The following SSBP2 variants were observed in gnomAD, a reference collection of about 807,000 sequenced individuals.
SSBP2 encodes the protein single stranded DNA binding protein 2, also known as single-stranded DNA-binding protein 2.
In SSBP2, 17 loss-of-function variants were observed where a neutral mutation model predicts 61.8. The observed-to-expected ratio is 0.28, with a 90% CI of 0.19 to 0.41. The LOEUF is 0.41. Ranked by LOEUF, SSBP2 falls within the 10% of genes least tolerant of loss-of-function variation. SSBP2 has a pLI of 1.00. For missense variants in SSBP2, 310 were observed against 458.7 expected (o/e 0.68, Z 2.96); for synonymous variants, 139 against 141.3 (o/e 0.98, Z 0.12).
At chr5:81,651,692 T>C (rs1255881835) in intron 1 of SSBP2, among the ~76,000 whole-genome samples, 6 of 152,178 alleles carry the variant, frequency 3.9e-5, no homozygotes, top group African/African-American at 1.2e-4. Context: ...GATCTCCCTG[T>C]GGAAGTGTGG....
At chr5:81,646,980 A>G (rs188662404) in intron 2 of SSBP2, among the ~76,000 whole-genome samples, 5 of 152,268 alleles carry the variant, frequency 3.3e-5, no homozygotes, top group Non-Finnish European at 7.4e-5. Flanking sequence ...TGTAGAACAT[A>G]AAATGTGAGG....
intron 6 of SSBP2, among the ~76,000 whole-genome samples, chr5:81,479,610 A>T (rs1296129026): frequency 1.3e-5 from 2 of 152,160 alleles, no homozygotes; most frequent in Admixed American, 6.5e-5. Context: ...TTTACAAAAG[A>T]TCTACACACT....
chr5:81,490,134 A>G (rs568265101), intron 5 of SSBP2, among the ~76,000 whole-genome samples: 264 of 152,250 alleles, frequency 1.7e-3, no homozygotes, highest in African/African-American at 6.1e-3. Flanking sequence ...AAAGAAAAAA[A>G]TGATCTTATA....
chr5:81,715,069 T>C (rs1404525300), intron 1 of SSBP2, among the ~76,000 whole-genome samples: 1 of 151,800 alleles, frequency 6.6e-6, no homozygotes, highest in Non-Finnish European at 1.5e-5. Flanking sequence ...GAAAAGATAA[T>C]AATTAGAGGG....
rs1419776275 is a variant in SSBP2, at chr5:81,432,857, C to T, written c.958-4174G>A. On this transcript the variant is annotated intron_variant, in intron 15 of 16. Transcript: ENST00000320672. ...GCCGCCCCGTCCGGGAGGTGAGGGG[C>T]GCCTCTGCCTGGCCACCCCTACTGG... Among the ~76,000 whole-genome samples, 11 of 146,624 alleles carry T rather than the reference C, an allele frequency of 7.5e-5. No homozygotes were observed. In the East Asian group the frequency reaches 8.3e-4, roughly 11 times the overall value.
rs1326251009 is a variant in SSBP2 at position 81,414,671 on chromosome 5, TTAGA to T, written c.*5829_*5832del. On this transcript the variant is annotated 3_prime_UTR_variant, in exon 17 of 17. Coordinates refer to ENST00000320672, the MANE Select transcript of SSBP2 (RefSeq NM_012446.5). ...TAAATGATCACTTATGCCCTTATCT[TTAGA>T]TACAGTACCTTCAAAAGAAGGCCTA... is the stretch of plus-strand genomic sequence containing the variant. The T allele has an allele frequency of 2.0e-5, 3 of 152,182 alleles. No homozygotes were observed. Among genetic ancestry groups the T allele is most frequent in the Admixed American group, 1.3e-4 (2 of 15,276 alleles). 9.4% of individuals were successfully genotyped at this position (152,182 alleles called of 1,614,324 possible).
intron 6 of SSBP2, among the ~76,000 whole-genome samples, chr5:81,483,506 A>G (rs1403633537): frequency 6.6e-6 from 1 of 152,160 alleles, no homozygotes; most frequent in African/African-American, 2.4e-5. Context: ...TAAATATCAG[A>G]ACTAGAAGAG....
chr5:81,539,907 G>A (rs1010377844), intron 4 of SSBP2, among the ~76,000 whole-genome samples: 13 of 151,828 alleles, frequency 8.6e-5, no homozygotes, highest in Admixed American at 3.3e-4. Context: ...CCCCCACCCC[G>A]ACAGGCCCCG....
chr5:81,610,267 T>C (rs1745319759), intron 4 of SSBP2, among the ~76,000 whole-genome samples: 1 of 152,170 alleles, frequency 6.6e-6, no homozygotes. Flanking sequence ...AAATCCTGTG[T>C]CAGAAGAATG....
chr5:81,606,678 C>A (rs1744910530), intron 4 of SSBP2, among the ~76,000 whole-genome samples: 1 of 152,168 alleles, frequency 6.6e-6, no homozygotes, highest in South Asian at 2.1e-4. Context: ...GATTCCCAAT[C>A]CTCTTTAGCC....
At chr5:81,694,926 G>A (rs1347135090) in intron 1 of SSBP2, among the ~76,000 whole-genome samples, 1 of 152,194 alleles carries the variant, frequency 6.6e-6, no homozygotes, top group East Asian at 1.9e-4. Context: ...TTTGAGCCCA[G>A]GAGTTGAAGA....
chr5:81,750,929 T>G, intron 1 of SSBP2, 52 bp downstream of exon 1: 87 of 1,498,726 alleles, frequency 5.8e-5, no homozygotes, highest in Non-Finnish European at 7.0e-5. Context: ...AGTGCGTGCG[T>G]GAGTGTGCGC....
At chr5:81,737,608 C>T (rs1756708693) in intron 1 of SSBP2, among the ~76,000 whole-genome samples, 1 of 142,922 alleles carries the variant, frequency 7.0e-6, no homozygotes, top group Non-Finnish European at 1.5e-5. Flanking sequence ...CGGTGAAACC[C>T]CGTCTCTACT....
intron 1 of SSBP2, among the ~76,000 whole-genome samples, chr5:81,745,232 A>G (rs1430775423): frequency 6.6e-6 from 1 of 152,134 alleles, no homozygotes. Flanking sequence ...TACTGAAAAC[A>G]GGCAAGACAT....
chr5:81,735,010 G>C (rs917223527), intron 1 of SSBP2, among the ~76,000 whole-genome samples: 1 of 147,486 alleles, frequency 6.8e-6, no homozygotes, highest in Non-Finnish European at 1.5e-5. Flanking sequence ...GAAAAATCAA[G>C]TTGACCTGCA....
At chr5:81,679,608 A>G (rs1187572022) in intron 1 of SSBP2, among the ~76,000 whole-genome samples, 1 of 152,232 alleles carries the variant, frequency 6.6e-6, no homozygotes, top group Non-Finnish European at 1.5e-5. Flanking sequence ...GATATGCTAA[A>G]AAAGGAGAAA....
intron 5 of SSBP2, among the ~76,000 whole-genome samples, chr5:81,511,154 G>A (rs897524006): frequency 1.3e-5 from 2 of 152,032 alleles, no homozygotes; most frequent in South Asian, 2.1e-4. Context: ...CCTTAAATGC[G>A]AAATTGGATT....
chr5:81,441,163 ATTC>A (rs2153957846), intron 13 of SSBP2, among the ~76,000 whole-genome samples: 1 of 152,346 alleles, frequency 6.6e-6, no homozygotes, highest in Non-Finnish European at 1.5e-5. Context: ...AATATAGCTA[ATTC>A]TTCTTGGCAG....
intron 16 of SSBP2, among the ~76,000 whole-genome samples, chr5:81,426,573 C>T (rs1561382351): frequency 6.6e-6 from 1 of 152,198 alleles, no homozygotes; most frequent in Non-Finnish European, 1.5e-5. Context: ...TCCAGCTGCT[C>T]TCGTTTCTAA....
Sources: allele counts gnomAD v4.1 joint callset (sites outside exome capture counted in the v4.1 genomes callset), GRCh38; gene constraint gnomAD v4.1.1; transcripts MANE v1.5; gene names NCBI Gene and HGNC (gene_info 2026-07-23, HGNC 2026-07-21).